Variants in ATP13A1 observed in about 807,000 individuals in gnomAD.
ATP13A1 encodes the protein endoplasmic reticulum transmembrane helix translocase.
Under a neutral mutation model 134.8 loss-of-function variants are expected in ATP13A1, and 55 were observed. That is an observed-to-expected ratio of 0.41 (90% confidence interval 0.33 to 0.51). ATP13A1 has a LOEUF of 0.51. Ranked by LOEUF, ATP13A1 falls within the 20% of genes least tolerant of loss-of-function variation. The probability of loss-of-function intolerance (pLI) is 0.29; values close to 1 mark genes in which losing one functional copy is unlikely to be tolerated. For synonymous variants in ATP13A1, 775 were observed against 725.1 expected (o/e 1.07, Z -1.10); for missense variants, 1,389 against 1,652.8 (o/e 0.84, Z 2.77).
At position 19,655,622 on chromosome 19, in the gene ATP13A1, G is replaced by A. The variant is rs1375089306; in HGVS notation, c.1302C>T (p.Val434=). The A allele has an allele frequency of 1.9e-6, 3 of 1,613,636 alleles. No homozygotes were observed. In the African/African-American group the frequency reaches 4.0e-5, roughly 22 times the overall value. The change falls in exon 10 of 26, where the codon GTC becomes GTT. Residue 434 remains valine (V), a synonymous_variant. Coordinates refer to ENST00000357324, the MANE Select transcript of ATP13A1 (RefSeq NM_020410.3). This position sits in a 1 kb window ranked among gnomAD's most constrained non-coding sequence, Gnocchi z 5.7. The stretch of plus-strand genomic sequence containing the variant: ...CCAGGTTGTTCGCAGTCACCCTCTT[G>A]ACCCCGAAGAGGATGGTGCGCAGCA... ...GKLLRTILFG[V]KRVTANNLET...
chr19:19,660,491 A>AAAAAAAC (rs2062087764), intron 1 of ATP13A1: 1 of 151,548 alleles, frequency 6.6e-6, no homozygotes, highest in African/African-American at 2.5e-5. Flanking sequence ...AATTAAAAAA[A>AAAAAAAC]AAAAAACAAA....
intron 19 of ATP13A1, among the ~76,000 whole-genome samples, chr19:19,648,958 C>A (rs190262125): frequency 2.0e-5 from 3 of 151,696 alleles, no homozygotes; most frequent in African/African-American, 7.3e-5. Flanking sequence ...CCCATCTCTA[C>A]TAAAAATACA....
At chr19:19,657,869 C>T (rs2062069468) in intron 3 of ATP13A1, among the ~76,000 whole-genome samples, 2 of 152,066 alleles carry the variant, frequency 1.3e-5, no homozygotes, top group South Asian at 2.1e-4. Flanking sequence ...CAGAATGGGT[C>T]GAGTAGGGTG....
intron 19 of ATP13A1, among the ~76,000 whole-genome samples, chr19:19,649,106 A>G (rs1414986278): frequency 6.6e-6 from 1 of 151,672 alleles, no homozygotes; most frequent in African/African-American, 2.4e-5. Context: ...TGGGTGACAG[A>G]GCAAGGCTCC....
At chr19:19,652,455 TAGCACCTG>T in intron 16 of ATP13A1, 132 bp downstream of exon 16, 1 of 1,285,652 alleles carries the variant, frequency 7.8e-7, no homozygotes, top group Admixed American at 2.5e-5. Flanking sequence ...GTGGCAATGT[TAGCACCTG>T]AGCTATGATC....
chr19:19,659,898 C>A lies in ATP13A1; in HGVS notation c.486G>T (p.Glu162Asp). 6.3e-7 allele frequency: 1 copy of A among 1,590,076 alleles called. No homozygotes were observed. The highest frequency in any genetic ancestry group is 8.6e-7 in the Non-Finnish European group (1 of 1,169,290). The stretch of plus-strand genomic sequence containing the variant: ...CAGGAGCCCAGCAGGCAGTCCCTAC[C>A]TCATTGCGGTGCAGGGCCACGAGCT... ...STELVALHRN[E>D]GEDGLEVLSF... Residue 162 changes from glutamate (E) to aspartate (D), a missense_variant and splice_region_variant, in exon 2 of 26, where the codon GAG becomes GAT. Physicochemically the swap from Glu to Asp is conservative, Grantham distance 45. Coordinates refer to ENST00000357324, the MANE Select transcript of ATP13A1 (RefSeq NM_020410.3).
Position 19,663,439 on chromosome 19 carries a change from C to A in ATP13A1, c.228G>T (p.Pro76=), listed in dbSNP as rs1371625853. The A allele has an allele frequency of 1.9e-6, 3 of 1,563,238 alleles. No homozygotes were observed. The highest frequency in any genetic ancestry group is 2.6e-6 in the Non-Finnish European group (3 of 1,157,566). ...TVLPFAGLLY[P]AWLGAAAAGC... ...CAGCGGCTGCGGCACCCAACCAGGCCGGGTAAAGCAGCCCGGCGAATGGCA... is the reference window on the plus strand; with the variant it reads ...CAGCGGCTGCGGCACCCAACCAGGCAGGGTAAAGCAGCCCGGCGAATGGCA... The change falls in exon 1 of 26, where the codon CCG becomes CCT. Residue 76 remains proline (P), a synonymous_variant. Coordinates refer to ENST00000357324, the MANE Select transcript of ATP13A1 (RefSeq NM_020410.3).
chr19:19,645,614 G>C lies in ATP13A1; in HGVS notation c.3504+33C>G, dbSNP rs201864782. 1,224 of 1,561,324 alleles carry C rather than the reference G, an allele frequency of 7.8e-4. 4 individuals are homozygous for C. Among genetic ancestry groups the C allele is most frequent in the African/African-American group, 6.3e-3 (466 of 73,626 alleles). On this transcript the variant is annotated intron_variant, in intron 25 of 25. Coordinates refer to ENST00000357324, the MANE Select transcript of ATP13A1 (RefSeq NM_020410.3). The surrounding 1 kb of genome is among the most constrained non-coding windows in gnomAD (Gnocchi z 4.1). ...TGCCATAGGAGGGACCCATCAAGCT[G>C]AGCCCCAGGGTCACCTCCACAGGGC...
Position 19,656,018 on chromosome 19 carries a change from A to AGCC in ATP13A1, c.1213+33_1213+35dup. 6.2e-7 allele frequency: 1 copy of AGCC among 1,613,122 alleles called. No homozygotes were observed. Among genetic ancestry groups the AGCC allele is most frequent in the Non-Finnish European group, 8.5e-7 (1 of 1,179,672 alleles). ...CAAGCAGACGGGCAAAGGGGGTGGA[A>AGCC]GCCCAGATACCCCCAGACGCCCATG... On this transcript the variant is annotated intron_variant, in intron 8 of 25. Transcript: ENST00000357324. The surrounding 1 kb of genome is among the most constrained non-coding windows in gnomAD (Gnocchi z 4.6).
At chr19:19,658,178 C>T (rs949334075) in intron 3 of ATP13A1, among the ~76,000 whole-genome samples, 4 of 145,188 alleles carry the variant, frequency 2.8e-5, no homozygotes, top group African/African-American at 1.0e-4. Flanking sequence ...AAAAAAGGCT[C>T]GAGAATGCAA....
intron 1 of ATP13A1, chr19:19,662,936 GCTAATATGGGAA>G (rs2145026724): frequency 2.3e-6 from 1 of 438,826 alleles, no homozygotes; most frequent in East Asian, 5.1e-5. Flanking sequence ...AAGAGTAGTC[GCTAATATGGGAA>G]CTAGTATAAA....
At position 19,655,104 on chromosome 19, in the gene ATP13A1, G is replaced by A. The variant is rs2062048876; in HGVS notation, c.1655+15C>T. The A allele has an allele frequency of 1.2e-6, 2 of 1,613,150 alleles. No homozygotes were observed. Among genetic ancestry groups the A allele is most frequent in the Admixed American group, 1.7e-5 (1 of 59,962 alleles). ...CCATCTGGGTGACCTTTGCTGCAGG[G>A]CCCCTGATGCTTACCTCAGCCCGGC... On this transcript the variant is annotated intron_variant, in intron 12 of 25. Transcript: ENST00000357324. This position sits in a 1 kb window ranked among gnomAD's most constrained non-coding sequence, Gnocchi z 5.7.
chr19:19,652,563 T>A, intron 16 of ATP13A1, 32 bp downstream of exon 16: 9 of 1,595,440 alleles, frequency 5.6e-6, no homozygotes, highest in African/African-American at 1.3e-5. Flanking sequence ...CTATTTCCCA[T>A]GCAGAGGGTG....
At chr19:19,657,266 G>C in intron 4 of ATP13A1, 70 bp downstream of exon 4, 1 of 1,512,730 alleles carries the variant, frequency 6.6e-7, no homozygotes, top group South Asian at 1.3e-5. Context: ...AGAAGTGGTG[G>C]GCAGGCTTGA....
chr19:19,646,593 G>A, intron 22 of ATP13A1: 1 of 562,530 alleles, frequency 1.8e-6, no homozygotes, highest in Non-Finnish European at 3.2e-6. Context: ...ACAGGGGCCT[G>A]AGAATCATGA....
chr19:19,663,289 G>A lies in ATP13A1; in HGVS notation c.378C>T (p.Cys126=). 6.3e-7 allele frequency: 1 copy of A among 1,585,244 alleles called. No homozygotes were observed. The highest frequency in any genetic ancestry group is 8.6e-7 in the Non-Finnish European group (1 of 1,167,226). ...LSGHWSVHAH[C]ALTCTPEYDP... ...CACTTACCGGGGTGCAGGTGAGCGCGCAATGCGCGTGCACAGACCAATGCC... is the reference window on the plus strand; with the variant it reads ...CACTTACCGGGGTGCAGGTGAGCGCACAATGCGCGTGCACAGACCAATGCC... Residue 126 remains cysteine, a synonymous_variant, in exon 1 of 26, where the codon TGC becomes TGT. Transcript: ENST00000357324.
chr19:19,662,382 T>C, intron 1 of ATP13A1: 1 of 984,206 alleles, frequency 1.0e-6, no homozygotes, highest in Non-Finnish European at 1.2e-6. Context: ...CTTCTGTCTT[T>C]CTGTAGCCCT....
intron 16 of ATP13A1, 132 bp downstream of exon 16, chr19:19,652,463 G>A (rs2062030901): frequency 2.3e-6 from 3 of 1,328,880 alleles, no homozygotes; most frequent in South Asian, 2.9e-5. Flanking sequence ...GTTAGCACCT[G>A]AGCTATGATC....
intron 17 of ATP13A1, chr19:19,651,484 C>T: frequency 2.1e-6 from 1 of 473,122 alleles, no homozygotes; most frequent in Non-Finnish European, 3.8e-6. Flanking sequence ...TAAACACCTA[C>T]ATGCCGCACA....
Sources: gnomAD v4.1 joint callset for allele counts (sites outside exome capture counted in the v4.1 genomes callset) on GRCh38, gnomAD v4.1.1 for gene constraint, Gnocchi (gnomAD v3.1) non-coding constraint, MANE v1.5 for transcripts, NCBI Gene and HGNC (gene_info 2026-07-23, HGNC 2026-07-21) for gene names.